The following TMEM131 variants were observed in gnomAD, a reference collection of about 807,000 sequenced individuals.
TMEM131 encodes the protein 2610524E03Rik.
A neutral mutation model predicts 211.6 loss-of-function variants in TMEM131; 66 were observed. The observed-to-expected ratio is 0.31, with a 90% CI of 0.26 to 0.38. The LOEUF (loss-of-function observed/expected upper bound fraction) is 0.38, where lower values mean the gene tolerates loss of function less well. TMEM131 is among the 10% of genes least tolerant of loss of function. TMEM131 has a pLI of 1.00. For missense variants in TMEM131, 2,036 were observed against 2,299.3 expected (o/e 0.89, Z 2.34); for synonymous variants, 844 against 841.3 (o/e 1.00, Z -0.06).
At chr2:97,938,738 C>A (rs1677568847) in intron 1 of TMEM131, among the ~76,000 whole-genome samples, 1 of 152,294 alleles carries the variant, frequency 6.6e-6, no homozygotes, top group South Asian at 2.1e-4. Flanking sequence ...CTTCTCAGCA[C>A]CACATCGCAC....
intron 25 of TMEM131, among the ~76,000 whole-genome samples, chr2:97,799,978 T>A (rs1680949382): frequency 6.6e-6 from 1 of 152,250 alleles, no homozygotes; most frequent in African/African-American, 2.4e-5. Context: ...TTCTCCTTGC[T>A]AAATGATTTT....
chr2:97,854,136 C>T (rs1252203714), intron 5 of TMEM131, among the ~76,000 whole-genome samples: 2 of 152,204 alleles, frequency 1.3e-5, no homozygotes. Flanking sequence ...GCCATCCCAA[C>T]CTTCAGCAAC....
intron 11 of TMEM131, chr2:97,827,321 C>T (rs1682448037): frequency 1.3e-5 from 10 of 792,130 alleles, no homozygotes; most frequent in Non-Finnish European, 2.1e-5. Context: ...GCGCGGTTGT[C>T]AGCTAAACCT....
At chr2:97,803,235 AG>A (rs1681117420) in intron 22 of TMEM131, among the ~76,000 whole-genome samples, 1 of 152,232 alleles carries the variant, frequency 6.6e-6, no homozygotes, top group African/African-American at 2.4e-5. Context: ...ATCTACAAGC[AG>A]GGTGCTAAAA....
At chr2:97,950,674 G>A (rs924438311) in intron 1 of TMEM131, among the ~76,000 whole-genome samples, 2 of 151,892 alleles carry the variant, frequency 1.3e-5, no homozygotes, top group African/African-American at 4.8e-5. Context: ...AAATCATGTA[G>A]AAGTTGAATG....
intron 3 of TMEM131, among the ~76,000 whole-genome samples, chr2:97,906,250 T>C (rs1416195381): frequency 5.3e-5 from 8 of 152,180 alleles, no homozygotes. Flanking sequence ...TCTATGGTAT[T>C]TTGTTATAGC....
At chr2:97,853,862 T>G (rs1054081998) in intron 5 of TMEM131, among the ~76,000 whole-genome samples, 3 of 152,098 alleles carry the variant, frequency 2.0e-5, no homozygotes, top group Non-Finnish European at 4.4e-5. Flanking sequence ...TTCTTAGGGA[T>G]GAGCAAAAAA....
intron 30 of TMEM131, 135 bp from the exon 31 acceptor site, chr2:97,793,119 A>G (rs916423274): frequency 1.4e-6 from 1 of 703,146 alleles, no homozygotes; most frequent in Admixed American, 3.2e-5. Flanking sequence ...AAATAGGGAA[A>G]TTTCTACAAC....
chr2:97,951,687 C>T (rs776086316), intron 1 of TMEM131, among the ~76,000 whole-genome samples: 82 of 152,088 alleles, frequency 5.4e-4, no homozygotes, highest in Non-Finnish European at 8.8e-4. Context: ...CTGGGATACA[C>T]GGGGGAAAAA....
At position 97,814,217 on chromosome 2, in the gene TMEM131, G is replaced by A; in HGVS notation, c.1446+18C>T. 6.2e-7 allele frequency: 1 copy of A among 1,611,284 alleles called. No homozygotes were observed. The highest frequency in any genetic ancestry group is 8.5e-7 in the Non-Finnish European group (1 of 1,178,160). On this transcript the variant is annotated intron_variant, in intron 14 of 40. Coordinates refer to ENST00000186436, the MANE Select transcript of TMEM131 (RefSeq NM_015348.2). Reference sequence around the variant, plus strand: ...GGTAGACCAGGAAAATTAAAAGTATGAGGGCTCCTGGACATACTTTAAACA... The same window carrying A: ...GGTAGACCAGGAAAATTAAAAGTATAAGGGCTCCTGGACATACTTTAAACA...
At chr2:97,957,610 A>G (rs1475424845) in intron 1 of TMEM131, among the ~76,000 whole-genome samples, 1 of 152,196 alleles carries the variant, frequency 6.6e-6, no homozygotes, top group African/African-American at 2.4e-5. Context: ...TAAACTTAAA[A>G]AAAGAAACAA....
At chr2:97,963,614 C>A (rs1219487686) in intron 1 of TMEM131, among the ~76,000 whole-genome samples, 1 of 152,180 alleles carries the variant, frequency 6.6e-6, no homozygotes, top group Non-Finnish European at 1.5e-5. Flanking sequence ...ACTCAGGAGG[C>A]TGAGGCAGGA....
chr2:97,992,832 C>T (rs1051723126), intron 1 of TMEM131, among the ~76,000 whole-genome samples: 2 of 152,146 alleles, frequency 1.3e-5, no homozygotes, highest in Admixed American at 6.5e-5. Context: ...ATCTTGCCAC[C>T]AATCTAGAAC....
chr2:97,911,088 G>C (rs962179653), intron 2 of TMEM131, among the ~76,000 whole-genome samples: 3 of 152,102 alleles, frequency 2.0e-5, no homozygotes, highest in African/African-American at 7.2e-5. Flanking sequence ...TGTTATATCC[G>C]TACAATGGAA....
chr2:97,969,058 G>C (rs894890824), intron 1 of TMEM131, among the ~76,000 whole-genome samples: 1 of 148,436 alleles, frequency 6.7e-6, no homozygotes, highest in Non-Finnish European at 1.5e-5. Context: ...CTGCACTTGA[G>C]TATGGGTGAC....
chr2:97,993,202 A>C (rs1399228661), intron 1 of TMEM131, among the ~76,000 whole-genome samples: 1 of 152,346 alleles, frequency 6.6e-6, no homozygotes. Context: ...TCATCATTAA[A>C]ACTGCAGGTA....
rs1682788599 is a variant in TMEM131, at chr2:97,833,226, T to C, written c.1074+139A>G. On this transcript the variant is annotated intron_variant, in intron 11 of 40. Transcript: ENST00000186436. Reference sequence around the variant, plus strand: ...GCTGGGGCAGAACAGGTTTCTCACATCACACTTAGAACCAAAGTGTCACCA... The same window carrying C: ...GCTGGGGCAGAACAGGTTTCTCACACCACACTTAGAACCAAAGTGTCACCA... The C allele has an allele frequency of 7.7e-6, 4 of 518,310 alleles. No individual in the cohort carries two copies. The East Asian group carries it at 1.1e-4, about 14-fold the overall frequency. 32.1% of individuals were successfully genotyped at this position (518,310 alleles called of 1,614,324 possible). A position where few individuals can be genotyped will look rare whatever the true frequency, so the allele number is the denominator to read the frequency against.
At chr2:97,806,948 C>A (rs535927600) in intron 19 of TMEM131, among the ~76,000 whole-genome samples, 1 of 152,146 alleles carries the variant, frequency 6.6e-6, no homozygotes, top group Non-Finnish European at 1.5e-5. Context: ...CAGGAGCCCT[C>A]GGGCAGTCAC....
At chr2:97,826,096 A>C (rs1682369780) in intron 11 of TMEM131, among the ~76,000 whole-genome samples, 1 of 152,232 alleles carries the variant, frequency 6.6e-6, no homozygotes, top group African/African-American at 2.4e-5. Flanking sequence ...ATCTCTTAGA[A>C]GTCCCCTTAG....
Sources: gnomAD v4.1 joint callset for allele counts (sites outside exome capture counted in the v4.1 genomes callset) on GRCh38, gnomAD v4.1.1 for gene constraint, MANE v1.5 for transcripts, NCBI Gene and HGNC (gene_info 2026-07-23, HGNC 2026-07-21) for gene names.